Variants in TTLL9 observed in about 807,000 individuals in gnomAD.
TTLL9 encodes probable tubulin polyglutamylase TTLL9.
A neutral mutation model predicts 65.6 loss-of-function variants in TTLL9; 47 were observed. That is an observed-to-expected ratio of 0.72 (90% CI 0.57 to 0.91). The LOEUF is 0.91. Among genes scored for constraint, TTLL9 ranks in the 40% least tolerant of loss-of-function variants. The pLI, the probability that TTLL9 is intolerant of heterozygous loss-of-function variation, is 0.00. For synonymous variants in TTLL9, 179 were observed against 204.8 expected (o/e 0.87, Z 1.07); for missense variants, 537 against 568.8 (o/e 0.94, Z 0.57).
chr20:31,935,560 G>A (rs2064095198), intron 12 of TTLL9, among the ~76,000 whole-genome samples: 1 of 152,212 alleles, frequency 6.6e-6, no homozygotes, highest in African/African-American at 2.4e-5. Context: ...TCTAAGCCAG[G>A]AGGAGGAGCC....
At chr20:31,910,795 A>C (rs1368823798) in intron 6 of TTLL9, among the ~76,000 whole-genome samples, 1 of 152,198 alleles carries the variant, frequency 6.6e-6, no homozygotes, top group African/African-American at 2.4e-5. Flanking sequence ...GCCTGGAAAA[A>C]AGTAGAGATA....
chr20:31,902,579 T>A (rs1007096711), intron 4 of TTLL9, among the ~76,000 whole-genome samples: 2 of 152,200 alleles, frequency 1.3e-5, no homozygotes, highest in Non-Finnish European at 2.9e-5. Flanking sequence ...TTTATTTATC[T>A]GCTCATTAAT....
chr20:31,919,142 G>A (rs1419338418), intron 6 of TTLL9, among the ~76,000 whole-genome samples: 1 of 152,228 alleles, frequency 6.6e-6, no homozygotes, highest in African/African-American at 2.4e-5. Context: ...TGTTCTAGGA[G>A]GTCCTAAAAG....
chr20:31,926,196 C>A, intron 10 of TTLL9, 105 bp downstream of exon 10: 1 of 755,046 alleles, frequency 1.3e-6, no homozygotes, highest in South Asian at 1.5e-5. Context: ...GCAAGCTGCT[C>A]TGCCTGATGA....
chr20:31,899,710 T>G (rs1439259350), intron 4 of TTLL9, among the ~76,000 whole-genome samples: 1 of 151,530 alleles, frequency 6.6e-6, no homozygotes, highest in African/African-American at 2.4e-5. Context: ...CTCTCACAGC[T>G]TACTGGCCAG....
intron 2 of TTLL9, among the ~76,000 whole-genome samples, chr20:31,880,061 G>A (rs1376733470): frequency 1.3e-5 from 2 of 151,962 alleles, no homozygotes; most frequent in African/African-American, 4.8e-5. Context: ...CCGAAAACAG[G>A]AAGAAAAAAA....
chr20:31,924,756 T>C (rs932926311), intron 8 of TTLL9, among the ~76,000 whole-genome samples: 4 of 152,056 alleles, frequency 2.6e-5, no homozygotes, highest in African/African-American at 4.8e-5. Flanking sequence ...GCTAATTTTT[T>C]TGTAGACACA....
intron 1 of TTLL9, 63 bp from the exon 2 acceptor site, chr20:31,871,059 G>A: frequency 1.3e-6 from 2 of 1,485,058 alleles, no homozygotes; most frequent in Non-Finnish European, 1.9e-6. Context: ...TCATTCACTC[G>A]TCCATCTTCC....
At chr20:31,906,455 G>A (rs1326010050) in intron 4 of TTLL9, among the ~76,000 whole-genome samples, 1 of 152,210 alleles carries the variant, frequency 6.6e-6, no homozygotes, top group East Asian at 1.9e-4. Flanking sequence ...GAATCTTTTG[G>A]AACTACAGTC....
At chr20:31,935,994 C>T (rs1214675799) in intron 12 of TTLL9, among the ~76,000 whole-genome samples, 1 of 152,180 alleles carries the variant, frequency 6.6e-6, no homozygotes, top group Non-Finnish European at 1.5e-5. Context: ...CTCTCTGAGC[C>T]TGTTTCCTCA....
In TTLL9 at chr20:31,944,995, T is replaced by C. The variant is rs1358111492; in HGVS notation, c.*1974T>C. 3.3e-5 allele frequency: 5 copies of C among 152,254 alleles called. No homozygotes were observed. The highest frequency in any genetic ancestry group is 2.4e-5 in the African/African-American group (1 of 41,464). 9.4% of individuals were successfully genotyped at this position (152,254 alleles called of 1,614,324 possible). ...CAGCTAACATTTATTGAGCCCTTAA[T>C]GAACACATAAGAGTTTTGACTTCAC... On this transcript the variant is annotated 3_prime_UTR_variant, in exon 15 of 15. Coordinates refer to ENST00000535842, the MANE Select transcript of TTLL9 (RefSeq NM_001008409.5).
At chr20:31,911,046 G>T (rs1434438366) in intron 6 of TTLL9, among the ~76,000 whole-genome samples, 2 of 152,120 alleles carry the variant, frequency 1.3e-5, no homozygotes, top group Non-Finnish European at 2.9e-5. Flanking sequence ...ATGATGGTGG[G>T]TGCCTGTAAT....
chr20:31,873,005 GACC>G, intron 2 of TTLL9: 1 of 518,476 alleles, frequency 1.9e-6, no homozygotes, highest in Non-Finnish European at 3.9e-6. Flanking sequence ...ACCCCTCACT[GACC>G]CTTTCCTTTA....
chr20:31,934,888 C>T lies in TTLL9; in HGVS notation c.1004C>T (p.Pro335Leu), dbSNP rs779071308. ...YDILIDQDLK[P>L]WLLEVNASPS... is the part of the protein sequence containing the mutation. ...ATCCTCATCGACCAGGACCTCAAGC[C>T]GTAAGTGGGTGGGTGGGAGAGCCAG... Residue 335 changes from proline (P) to leucine (L), a missense_variant and splice_region_variant, in exon 12 of 15, where the codon CCG becomes CTG. By Grantham distance (98) the Pro-to-Leu change is moderately conservative. Transcript: ENST00000535842. 81 of 1,607,236 alleles carry T rather than the reference C, an allele frequency of 5.0e-5. No homozygotes were observed. The highest frequency in any genetic ancestry group is 6.4e-5 in the Non-Finnish European group (75 of 1,175,266).
At chr20:31,937,679 C>T (rs1357881672) in intron 13 of TTLL9, among the ~76,000 whole-genome samples, 170 bp downstream of exon 13, 2 of 152,152 alleles carry the variant, frequency 1.3e-5, no homozygotes, top group African/African-American at 4.8e-5. Flanking sequence ...AGGGTGGGGT[C>T]CTGACCCAAG....
At chr20:31,918,324 A>G (rs2063768413) in intron 6 of TTLL9, among the ~76,000 whole-genome samples, 1 of 151,938 alleles carries the variant, frequency 6.6e-6, no homozygotes. Flanking sequence ...GTCAATTAGC[A>G]CTTCTCTGTT....
intron 2 of TTLL9, among the ~76,000 whole-genome samples, chr20:31,883,573 C>T (rs2063148175): frequency 6.6e-6 from 1 of 152,118 alleles, no homozygotes; most frequent in Non-Finnish European, 1.5e-5. Context: ...GTTTACTGTT[C>T]TTGGGGGCCC....
chr20:31,877,891 T>C (rs1281683492), intron 2 of TTLL9, among the ~76,000 whole-genome samples: 1 of 152,244 alleles, frequency 6.6e-6, no homozygotes, highest in Admixed American at 6.5e-5. Context: ...TTCCCATCCA[T>C]GAACATGGTA....
At chr20:31,925,559 T>G (rs893280981) in intron 9 of TTLL9, among the ~76,000 whole-genome samples, 2 of 152,188 alleles carry the variant, frequency 1.3e-5, no homozygotes, top group Non-Finnish European at 1.5e-5. Context: ...CACCCATTCA[T>G]GCATTCCTTC....
Sources: gnomAD v4.1 joint callset for allele counts (sites outside exome capture counted in the v4.1 genomes callset) on GRCh38, gnomAD v4.1.1 for gene constraint, MANE v1.5 for transcripts, NCBI Gene and HGNC (gene_info 2026-07-23, HGNC 2026-07-21) for gene names.